Variants in DDX51 observed in about 807,000 individuals in gnomAD.
The protein encoded by DDX51 is DEAD-box helicase 51, also known as ATP-dependent RNA helicase DDX51.
In DDX51, 67 loss-of-function variants were observed where a neutral mutation model predicts 74.6. The observed-to-expected ratio is 0.90, with a 90% CI of 0.74 to 1.10. The LOEUF (loss-of-function observed/expected upper bound fraction) is 1.10. Among genes scored for constraint, DDX51 ranks in the 50% least tolerant of loss-of-function variants. DDX51 has a pLI of 0.00. For missense variants in DDX51, 1,056 were observed against 905.2 expected, an observed-to-expected ratio of 1.17 and a Z score of -2.14; for synonymous variants, 545 against 402.9, an observed-to-expected ratio of 1.35 and a Z score of -4.22.
rs1348400256 is a variant in DDX51 at position 132,137,067 on chromosome 12, T to G, written c.*2205A>C. 6.6e-6 allele frequency: 1 copy of G among 152,190 alleles called. No individual in the cohort carries two copies. Among genetic ancestry groups the G allele is most frequent in the African/African-American group, 2.4e-5 (1 of 41,446 alleles). The allele number at this position is 152,190 out of a possible 1,614,324, so 9.4% of individuals were successfully genotyped here. A position where few individuals can be genotyped will look rare whatever the true frequency, so the allele number is the denominator to read the frequency against. ...GCTGGGACAAGGTGTGCTATTTGTA[T>G]AGAGAGTTTCTGTCAGACTCAGTCT... is the stretch of plus-strand genomic sequence containing the variant. On this transcript the variant is annotated 3_prime_UTR_variant, in exon 15 of 15. Coordinates refer to ENST00000397333, the MANE Select transcript of DDX51 (RefSeq NM_175066.4).
chr12:132,142,313 A>G lies in DDX51; in HGVS notation c.780T>C (p.Ser260=), dbSNP rs1390242919. The part of the protein sequence containing the change: ...SDLCVSAPTG[S]GKTLAFVIPV... ...GGATGACGAAGGCCAGTGTCTTCCC[A>G]CTGCCTGTTGGGGCAGAAACACAGA... The change falls in exon 4 of 15, where the codon AGT becomes AGC. Residue 260 remains serine, a synonymous_variant. Transcript: ENST00000397333. The G allele has an allele frequency of 3.1e-6, 5 of 1,612,982 alleles. No homozygotes were observed. The highest frequency in any genetic ancestry group is 1.3e-5 in the African/African-American group (1 of 74,932).
intron 12 of DDX51, 48 bp from the exon 13 acceptor site, chr12:132,139,972 A>G: frequency 1.2e-6 from 2 of 1,611,988 alleles, no homozygotes; most frequent in South Asian, 2.2e-5. Context: ...AGCCTTCAAG[A>G]GTCTGACGGA....
At chr12:132,143,948 G>C (rs1897592188) in intron 1 of DDX51, 39 bp from the exon 2 acceptor site, 1 of 1,472,152 alleles carries the variant, frequency 6.8e-7, no homozygotes, top group Non-Finnish European at 8.9e-7. Flanking sequence ...CGTCAGCACC[G>C]AGTCGCCGGC....
Position 132,144,074 on chromosome 12 carries a change from G to T in DDX51, c.223C>A (p.Arg75=). 1 of 1,221,830 alleles carries T rather than the reference G, an allele frequency of 8.2e-7. No individual in the cohort carries two copies. 75.7% of individuals were successfully genotyped at this position (1,221,830 alleles called of 1,614,324 possible). Residue 75 remains arginine (R), a synonymous_variant, in exon 1 of 15, where the codon CGG becomes AGG. Coordinates refer to ENST00000397333, the MANE Select transcript of DDX51 (RefSeq NM_175066.4). ...CTCCCCGGCTCCGCGTCGTTCACCC[G>T]CCGCCGCCGCCGGGGCCGCCGTCGC... ...RRRRRPRRRR[R]VNDAEPGSPE...
chr12:132,143,499 G>A, intron 2 of DDX51, 196 bp downstream of exon 2: 1 of 722,682 alleles, frequency 1.4e-6, no homozygotes, highest in Non-Finnish European at 2.2e-6. Context: ...ACAGGGGCAA[G>A]CCTAGCAGAG....
At chr12:132,143,316 C>G (rs1447512489) in intron 2 of DDX51, 1 of 426,976 alleles carries the variant, frequency 2.3e-6, no homozygotes, top group Admixed American at 4.3e-5. Flanking sequence ...CTTTCTTCAC[C>G]TGTCTCGCCG....
rs371856587 is a variant in DDX51, at chr12:132,140,162, C to G, written c.1711G>C (p.Val571Leu). Residue 571 changes from valine (V) to leucine (L), a missense_variant, in exon 12 of 15, where the codon GTG becomes CTG. Coordinates refer to ENST00000397333, the MANE Select transcript of DDX51 (RefSeq NM_175066.4). ...TTCACCACCAGCTCCACACCCTGCACGTCGATGCCTCGCGCGGTGGCGTCC... is the reference window on the plus strand; with the variant it reads ...TTCACCACCAGCTCCACACCCTGCAGGTCGATGCCTCGCGCGGTGGCGTCC... Reference protein sequence around the residue: ...STDATARGIDVQGVELVVNYD... With the variant: ...STDATARGIDLQGVELVVNYD... 52 of 1,612,782 alleles carry G rather than the reference C, an allele frequency of 3.2e-5. No homozygotes were observed. The highest frequency in any genetic ancestry group is 1.1e-4 in the East Asian group (5 of 44,890).
rs763781080 is a variant in DDX51 at position 132,140,126 on chromosome 12, G to A, written c.1747C>T (p.Pro583Ser). Reference protein sequence around the residue: ...GVELVVNYDAPQYLRTYVHRV... With the variant: ...GVELVVNYDASQYLRTYVHRV... ...TGCACGTAGGTTCTCAGGTACTGGG[G>A]GGCGTCGTAGTTCACCACCAGCTCC... is the stretch of plus-strand genomic sequence containing the variant. Residue 583 changes from proline to serine, a missense_variant, in exon 12 of 15, where the codon CCC becomes TCC. Pro to Ser is a moderately conservative substitution (Grantham distance 74). Coordinates refer to ENST00000397333, the MANE Select transcript of DDX51 (RefSeq NM_175066.4). 4 of 1,612,694 alleles carry A rather than the reference G, an allele frequency of 2.5e-6. No homozygotes were observed. The highest frequency in any genetic ancestry group is 1.7e-6 in the Non-Finnish European group (2 of 1,179,946).
In DDX51 at chr12:132,141,923, T is replaced by C; in HGVS notation, c.922A>G (p.Thr308Ala). 2 of 1,613,184 alleles carry C rather than the reference T, an allele frequency of 1.2e-6. No individual in the cohort carries two copies. Among genetic ancestry groups the C allele is most frequent in the Non-Finnish European group, 1.7e-6 (2 of 1,180,010 alleles). ...GTAACCAGGGAGACTCTCAGAGGTG[T>C]GGCATCTGTGTAGATGTTGAAAACT... ...SKVFNIYTDA[T>A]PLRVSLVTGQ... Residue 308 changes from threonine to alanine, a missense_variant, in exon 6 of 15, where the codon ACA becomes GCA. Transcript: ENST00000397333.
rs979603152 is a variant in DDX51 at position 132,144,037 on chromosome 12, G to T, written c.260C>A (p.Pro87Gln). The T allele has an allele frequency of 2.2e-6, 3 of 1,350,028 alleles. No homozygotes were observed. The East Asian group carries it at 9.4e-5, about 42-fold the overall frequency. 83.6% of individuals were successfully genotyped at this position (1,350,028 alleles called of 1,614,324 possible). A position where few individuals can be genotyped will look rare whatever the true frequency, so the allele number is the denominator to read the frequency against. Residue 87 changes from proline to glutamine, a missense_variant, in exon 1 of 15, where the codon CCG (proline) becomes CAG (glutamine). Coordinates refer to ENST00000397333, the MANE Select transcript of DDX51 (RefSeq NM_175066.4). ...GTCCGCCTTCCGTCGCTTTCCCTGCGGCGCCTCCGGGCTCCCCGGCTCCGC... is the reference window on the plus strand; with the variant it reads ...GTCCGCCTTCCGTCGCTTTCCCTGCTGCGCCTCCGGGCTCCCCGGCTCCGC... ...NDAEPGSPEA[P>Q]QGKRRKADGE...
rs1897483413 is a variant in DDX51 at position 132,141,973 on chromosome 12, T to C, written c.889-17A>G. ...TTTGCTCACCTGCAGGAGAAGTCTG[T>C]CACTGGCCTGGAGGTAGCTGGTGTC... On this transcript the variant is annotated splice_polypyrimidine_tract_variant and intron_variant, in intron 5 of 14. Transcript: ENST00000397333. The C allele has an allele frequency of 6.2e-7, 1 of 1,611,872 alleles. No individual in the cohort carries two copies. The highest frequency in any genetic ancestry group is 8.5e-7 in the Non-Finnish European group (1 of 1,179,152).
At position 132,140,657 on chromosome 12, in the gene DDX51, C is replaced by T. The variant is rs1897416713; in HGVS notation, c.1519G>A (p.Val507Ile). 3.1e-6 allele frequency: 5 copies of T among 1,612,972 alleles called. No homozygotes were observed. Among genetic ancestry groups the T allele is most frequent in the Admixed American group, 3.3e-5 (2 of 60,030 alleles). ...TCTCGGGAGTTAGTGAAGCAGAGAA[C>T]CCTCGAGAAGCCCATCTCCAGGACC... The part of the protein sequence containing the change: ...HLVLEMGFSR[V>I]LCFTNSRENS... The change falls in exon 10 of 15, where the codon GTT becomes ATT. Residue 507 changes from valine to isoleucine, a missense_variant. Val to Ile is a conservative substitution (Grantham distance 29). Coordinates refer to ENST00000397333, the MANE Select transcript of DDX51 (RefSeq NM_175066.4).
intron 8 of DDX51, 67 bp downstream of exon 8, chr12:132,141,208 G>A (rs554748399): frequency 4.6e-6 from 7 of 1,520,528 alleles, no homozygotes; most frequent in African/African-American, 2.8e-5. Flanking sequence ...TGGGCATTAA[G>A]GAAGGAGAGC....
intron 9 of DDX51, 37 bp downstream of exon 9, chr12:132,140,794 C>T: frequency 6.2e-7 from 1 of 1,613,202 alleles, no homozygotes; most frequent in Non-Finnish European, 8.5e-7. Context: ...CCCCAGGTTC[C>T]CAGTGCAACC....
Position 132,139,674 on chromosome 12 carries a change from C to T in DDX51, c.1935G>A (p.Arg645=). The T allele has an allele frequency of 1.2e-6, 2 of 1,613,130 alleles. No homozygotes were observed. The highest frequency in any genetic ancestry group is 2.2e-5 in the South Asian group (2 of 91,090). The change falls in exon 14 of 15, where the codon CGG becomes CGA. Residue 645 remains arginine (R), a synonymous_variant. Transcript: ENST00000397333. ...CCAGCTGGGACAGGGCCTCCTCGTACCGAGGAACCAGCGGCTGCAGCAGCT... is the reference window on the plus strand; with the variant it reads ...CCAGCTGGGACAGGGCCTCCTCGTATCGAGGAACCAGCGGCTGCAGCAGCT... The part of the protein sequence containing the change: ...SSKLLQPLVP[R]YEEALSQLEE...
intron 2 of DDX51, 126 bp downstream of exon 2, chr12:132,143,569 G>T (rs549929202): frequency 1.4e-5 from 18 of 1,272,354 alleles, no homozygotes; most frequent in Middle Eastern, 2.5e-4. Context: ...TGCAGACCTG[G>T]CAGCGAGGCG....
At position 132,136,766 on chromosome 12, in the gene DDX51, T is replaced by C. The variant is rs1460074786; in HGVS notation, c.*2506A>G. ...CTGCAACCTCCACCTCCCGGGCAAGTGATTCTCCTGCCTCAGCCTCTTGAG... is the reference window on the plus strand; with the variant it reads ...CTGCAACCTCCACCTCCCGGGCAAGCGATTCTCCTGCCTCAGCCTCTTGAG... On this transcript the variant is annotated 3_prime_UTR_variant, in exon 15 of 15. Coordinates refer to ENST00000397333, the MANE Select transcript of DDX51 (RefSeq NM_175066.4). 6.6e-6 allele frequency: 1 copy of C among 152,238 alleles called. No individual in the cohort carries two copies. The highest frequency in any genetic ancestry group is 1.9e-4 in the East Asian group (1 of 5,188). The allele number at this position is 152,238 out of a possible 1,614,324, so 9.4% of individuals were successfully genotyped here.
intron 14 of DDX51, 137 bp downstream of exon 14, chr12:132,139,498 G>T (rs758671050): frequency 6.4e-7 from 1 of 1,572,956 alleles, no homozygotes; most frequent in Non-Finnish European, 8.7e-7. Context: ...TGGGCCAGAA[G>T]CTCGAGGACA....
In DDX51 at chr12:132,139,117, C is replaced by T. The variant is rs1897353079; in HGVS notation, c.*155G>A. 10 of 1,174,818 alleles carry T rather than the reference C, an allele frequency of 8.5e-6. No individual in the cohort carries two copies. The highest frequency in any genetic ancestry group is 1.5e-5 in the African/African-American group (1 of 65,894). 72.8% of individuals were successfully genotyped at this position (1,174,818 alleles called of 1,614,324 possible). ...GGGCAGGTGCTTGAGCTCTGACGCC[C>T]GGGCTGCCTGGCGCAGAGACCACGT... On this transcript the variant is annotated 3_prime_UTR_variant, in exon 15 of 15. Coordinates refer to ENST00000397333, the MANE Select transcript of DDX51 (RefSeq NM_175066.4).
Sources: allele counts gnomAD v4.1 joint callset, GRCh38; gene constraint gnomAD v4.1.1; transcripts MANE v1.5; gene names NCBI Gene and HGNC (gene_info 2026-07-23, HGNC 2026-07-21).